The following GASK1A variants were observed in gnomAD, a reference collection of about 807,000 sequenced individuals.
The protein encoded by GASK1A is Golgi-associated kinase 1A.
A neutral mutation model predicts 41.2 loss-of-function variants in GASK1A; 40 were observed. The observed-to-expected ratio is 0.97, with a 90% CI of 0.75 to 1.27. The LOEUF is 1.27. Ranked by LOEUF, GASK1A falls within the 50% of genes most tolerant of loss-of-function variation. The pLI is 0.00. For synonymous variants in GASK1A, 316 were observed against 307.1 expected (o/e 1.03, Z -0.30); for missense variants, 678 against 745.1 (o/e 0.91, Z 1.05).
intron 1 of GASK1A, among the ~76,000 whole-genome samples, chr3:42,993,297 T>A (rs936225282): frequency 1.3e-5 from 2 of 152,244 alleles, no homozygotes; most frequent in African/African-American, 4.8e-5. Context: ...CCTGTGACTT[T>A]GTCACCAAGA....
chr3:43,038,121 C>T (rs1228178599), intron 2 of GASK1A, among the ~76,000 whole-genome samples: 1 of 152,176 alleles, frequency 6.6e-6, no homozygotes, highest in Non-Finnish European at 1.5e-5. Context: ...ATGCAAATGA[C>T]CTTTCAAAAT....
intron 1 of GASK1A, among the ~76,000 whole-genome samples, chr3:43,020,408 G>A (rs1044216691): frequency 6.6e-6 from 1 of 152,174 alleles, no homozygotes; most frequent in Admixed American, 6.5e-5. Flanking sequence ...ACTGGTTCAA[G>A]AGATAAGTCT....
At chr3:42,991,250 T>C (rs906747838) in intron 1 of GASK1A, among the ~76,000 whole-genome samples, 5 of 152,072 alleles carry the variant, frequency 3.3e-5, no homozygotes, top group Non-Finnish European at 5.9e-5. Context: ...AAGTGATTCT[T>C]CCCTTTCAGC....
intron 2 of GASK1A, among the ~76,000 whole-genome samples, chr3:43,034,856 T>C (rs1217426099): frequency 2.0e-5 from 3 of 152,146 alleles, no homozygotes; most frequent in Non-Finnish European, 4.4e-5. Flanking sequence ...GTTGCCATAC[T>C]CTCCTTTTGG....
At chr3:42,998,120 C>T (rs2089386511) in intron 1 of GASK1A, among the ~76,000 whole-genome samples, 1 of 152,182 alleles carries the variant, frequency 6.6e-6, no homozygotes. Context: ...TGGGACATCG[C>T]CTCACTGTCC....
rs560698261 is a variant in GASK1A at position 43,050,009 on chromosome 3, C to T, written c.1291-3512C>T. On this transcript the variant is annotated intron_variant, in intron 2 of 4. Coordinates refer to ENST00000430121, the MANE Select transcript of GASK1A (RefSeq NM_001129908.3). ...CAGTATAGATTATAATTATTGCTTT[C>T]AGCAGTTTTTTTTTTTAAATCAGAG... Among the ~76,000 whole-genome samples, 99 of 143,168 alleles carry T rather than the reference C, an allele frequency of 6.9e-4. 1 individual carries two copies. The South Asian group carries it at 0.02, about 29-fold the overall frequency. 93.9% of individuals were successfully genotyped at this position (143,168 alleles called of 152,430 possible). A position where few individuals can be genotyped will look rare whatever the true frequency, so the allele number is the denominator to read the frequency against.
intron 1 of GASK1A, among the ~76,000 whole-genome samples, chr3:43,023,569 G>A (rs953529086): frequency 1.1e-4 from 17 of 152,172 alleles, no homozygotes; most frequent in African/African-American, 3.6e-4. Context: ...GGAGATGTTC[G>A]ATTTTGCCCT....
chr3:42,980,813 T>C (rs1466311250), intron 1 of GASK1A, among the ~76,000 whole-genome samples: 1 of 152,130 alleles, frequency 6.6e-6, no homozygotes, highest in Non-Finnish European at 1.5e-5. Context: ...AATAGTGGAA[T>C]CTTAAGCTTC....
In GASK1A at chr3:43,044,224, G is replaced by A. The variant is rs529799027; in HGVS notation, c.1291-9297G>A. 6.4e-4 allele frequency among the ~76,000 whole-genome samples: 97 copies of A among 152,304 alleles called. 2 individuals carry two copies. Among genetic ancestry groups the A allele is most frequent in the African/African-American group, 2.2e-3 (90 of 41,570 alleles). On this transcript the variant is annotated intron_variant, in intron 2 of 4. Transcript: ENST00000430121. ...ATTTTGGGCTTGCTAGAGCTGCCCTGACATTTGCTGTCCTGGCCCAAGAGA... is the reference window on the plus strand; with the variant it reads ...ATTTTGGGCTTGCTAGAGCTGCCCTAACATTTGCTGTCCTGGCCCAAGAGA...
chr3:43,040,086 G>C (rs1043192158), intron 2 of GASK1A, among the ~76,000 whole-genome samples: 3 of 152,068 alleles, frequency 2.0e-5, no homozygotes, highest in African/African-American at 7.2e-5. Context: ...TATTTTAAAA[G>C]GCTATTCTCA....
chr3:43,038,610 A>AG, intron 2 of GASK1A, among the ~76,000 whole-genome samples: 1 of 151,736 alleles, frequency 6.6e-6, no homozygotes, highest in Admixed American at 6.6e-5. Flanking sequence ...TTAAAAAAAA[A>AG]AAATCCCCCA....
intron 2 of GASK1A, among the ~76,000 whole-genome samples, chr3:43,034,988 C>T (rs919740091): frequency 2.6e-5 from 4 of 152,186 alleles, no homozygotes; most frequent in South Asian, 2.1e-4. Context: ...GATCTCCTGT[C>T]GTCCTCCCAG....
At chr3:43,046,552 T>A (rs2089663200) in intron 2 of GASK1A, among the ~76,000 whole-genome samples, 1 of 152,206 alleles carries the variant, frequency 6.6e-6, no homozygotes, top group African/African-American at 2.4e-5. Flanking sequence ...AGCATAAAAG[T>A]TTGGAAAATT....
intron 2 of GASK1A, among the ~76,000 whole-genome samples, chr3:43,047,264 C>T (rs554583718): frequency 3.9e-4 from 60 of 152,304 alleles, no homozygotes; most frequent in African/African-American, 1.4e-3. Flanking sequence ...GCTACAGGGC[C>T]AGAGCTGCCC....
At chr3:43,029,815 A>T (rs1225417310) in intron 1 of GASK1A, among the ~76,000 whole-genome samples, 1 of 152,100 alleles carries the variant, frequency 6.6e-6, no homozygotes, top group African/African-American at 2.4e-5. Flanking sequence ...CTTCCTTTTG[A>T]TTATTTTCTG....
rs2089713193 is a variant in GASK1A at position 43,055,797 on chromosome 3, C to T, written c.1517+262C>T. The stretch of plus-strand genomic sequence containing the variant: ...CTGGGGTGTGGGAAGGCTAGTCCTT[C>T]CCTTGTTCTGGGTGAGAGAGCTAGG... On this transcript the variant is annotated intron_variant, in intron 4 of 4. Transcript: ENST00000430121. 4 of 494,328 alleles carry T rather than the reference C, an allele frequency of 8.1e-6. No individual in the cohort carries two copies. The Middle Eastern group carries it at 1.7e-3, about 210-fold the overall frequency. The allele number at this position is 494,328 out of a possible 1,614,324, so 30.6% of individuals were successfully genotyped here.
At chr3:43,039,346 G>A (rs1299505465) in intron 2 of GASK1A, among the ~76,000 whole-genome samples, 2 of 151,786 alleles carry the variant, frequency 1.3e-5, no homozygotes, top group Non-Finnish European at 2.9e-5. Flanking sequence ...GTGATTACAG[G>A]CACCCACCAC....
chr3:42,993,006 G>A (rs533654106), intron 1 of GASK1A, among the ~76,000 whole-genome samples: 47 of 152,322 alleles, frequency 3.1e-4, no homozygotes, highest in Non-Finnish European at 5.3e-4. Flanking sequence ...AAGTATGGCC[G>A]CTGGGATTGG....
intron 2 of GASK1A, chr3:43,037,099 C>A: frequency 1.4e-6 from 1 of 695,050 alleles, no homozygotes; most frequent in Non-Finnish European, 2.4e-6. Flanking sequence ...TGCGATTGCA[C>A]AACACTAAAA....
Sources: gnomAD v4.1 joint callset for allele counts (sites outside exome capture counted in the v4.1 genomes callset) on GRCh38, gnomAD v4.1.1 for gene constraint, MANE v1.5 for transcripts, NCBI Gene and HGNC (gene_info 2026-07-23, HGNC 2026-07-21) for gene names.